Variants in BRF1 observed in about 807,000 individuals in gnomAD.
BRF1 encodes BRF1 general transcription factor IIIB subunit, also known as transcription factor IIIB 90 kDa subunit.
A neutral mutation model predicts 81.7 loss-of-function variants in BRF1; 59 were observed. The ratio of observed to expected loss-of-function variants is 0.72; its 90% CI spans 0.59 to 0.90. The LOEUF is 0.90. BRF1 is among the 40% of genes least tolerant of loss of function. The pLI, the probability that BRF1 is intolerant of heterozygous loss-of-function variation, is 0.00. For synonymous variants in BRF1, 491 were observed against 395.6 expected (o/e 1.24, Z -2.86); for missense variants, 1,050 against 936.3 (o/e 1.12, Z -1.58).
intron 2 of BRF1, among the ~76,000 whole-genome samples, chr14:105,282,876 T>C (rs931416649): frequency 1.3e-5 from 2 of 152,138 alleles, no homozygotes; most frequent in African/African-American, 4.8e-5. Flanking sequence ...GAGGTTGCAG[T>C]GAGCCCAGAT....
chr14:105,250,705 T>G (rs764740419), intron 5 of BRF1: 2 of 1,578,954 alleles, frequency 1.3e-6, no homozygotes, highest in South Asian at 1.1e-5. Flanking sequence ...GGTCAGCGAG[T>G]GAGTGGAGGG....
Position 105,209,378 on chromosome 14 carries a change from T to G in BRF1, c.*1173A>C, listed in dbSNP as rs1469570729. 3.3e-6 allele frequency: 2 copies of G among 608,030 alleles called. No homozygotes were observed. Among genetic ancestry groups the G allele is most frequent in the African/African-American group, 3.7e-5 (2 of 54,024 alleles). The allele number at this position is 608,030 out of a possible 1,614,324, so 37.7% of individuals were successfully genotyped here. On this transcript the variant is annotated 3_prime_UTR_variant, in exon 18 of 18. Coordinates refer to ENST00000547530, the MANE Select transcript of BRF1 (RefSeq NM_001519.4). ...CCCTGGCAGGACCCAGGCTGGCTAC[T>G]GAGCTCTGGGCGGGGGTAGGGGGGT...
intron 7 of BRF1, among the ~76,000 whole-genome samples, chr14:105,228,449 C>G (rs587729024): frequency 1.3e-5 from 2 of 151,688 alleles, no homozygotes; most frequent in South Asian, 4.2e-4. Flanking sequence ...GAGGCTGAGG[C>G]AGGAGAATCT....
chr14:105,217,852 C>T, intron 14 of BRF1, 52 bp from the exon 15 acceptor site: 1 of 1,590,282 alleles, frequency 6.3e-7, no homozygotes, highest in East Asian at 2.2e-5. Context: ...CACTGCACTC[C>T]ACCATCAGGG....
intron 2 of BRF1, among the ~76,000 whole-genome samples, chr14:105,273,746 G>A (rs946056082): frequency 7.2e-5 from 11 of 152,144 alleles, no homozygotes; most frequent in Non-Finnish European, 1.5e-4. Context: ...CTCCAGTCTC[G>A]ATGAACCAGG....
chr14:105,228,901 G>T lies in BRF1; in HGVS notation c.707C>A (p.Ala236Glu). 6.2e-7 allele frequency: 1 copy of T among 1,613,584 alleles called. No individual in the cohort carries two copies. Residue 236 changes from alanine (A) to glutamate (E), a missense_variant, in exon 7 of 18, where the codon GCA (alanine) becomes GAA (glutamate). By Grantham distance (107) the Ala-to-Glu change is moderately radical. Transcript: ENST00000547530. The stretch of plus-strand genomic sequence containing the variant: ...CCTCCTGAAGTCATGCATTCTGGCT[G>T]CAACCAGGAGCGCTGGAAGGCAACG... ...SGLCGAALLVAARMHDFRRTV... is the reference protein window; with the variant it reads ...SGLCGAALLVEARMHDFRRTV...
At chr14:105,302,992 C>T (rs943259665), upstream of BRF1, among the ~76,000 whole-genome samples, 5 of 151,640 alleles carry the variant, frequency 3.3e-5, no homozygotes, top group African/African-American at 1.2e-4. Context: ...TCAGTGGTGC[C>T]ATCTCAGCTC....
At chr14:105,300,295 G>A (rs892476551) in intron 1 of BRF1, 151 bp downstream of exon 1, 3 of 881,384 alleles carry the variant, frequency 3.4e-6, no homozygotes, top group Non-Finnish European at 4.8e-6. Context: ...TTCTCGCCAA[G>A]GGGATCCACA....
chr14:105,223,257 T>A (rs146590539), intron 10 of BRF1, among the ~76,000 whole-genome samples: 3 of 152,164 alleles, frequency 2.0e-5, no homozygotes, highest in Non-Finnish European at 4.4e-5. Flanking sequence ...TCCTCAGCAA[T>A]TGACCCAAAA....
chr14:105,277,955 A>C (rs776216866), intron 2 of BRF1, among the ~76,000 whole-genome samples: 1 of 152,200 alleles, frequency 6.6e-6, no homozygotes, highest in Admixed American at 6.5e-5. Flanking sequence ...AGGGTTTCAC[A>C]CTGTTGGCCA....
chr14:105,250,501 C>T (rs763975745), intron 5 of BRF1: 1 of 1,614,096 alleles, frequency 6.2e-7, no homozygotes, highest in African/African-American at 1.3e-5. Context: ...AAGACACCTT[C>T]TACACGGCCA....
chr14:105,286,121 G>A (rs3803319), intron 2 of BRF1, among the ~76,000 whole-genome samples, 175 bp downstream of exon 2: 38,827 of 152,174 alleles, frequency 0.26, 5,172 homozygotes, highest in South Asian at 0.28. Context: ...AGGACACCCA[G>A]GAGGGGACTC....
intron 4 of BRF1, among the ~76,000 whole-genome samples, chr14:105,254,402 G>A (rs768068585): frequency 2.6e-5 from 4 of 151,848 alleles, no homozygotes; most frequent in South Asian, 2.1e-4. Flanking sequence ...GACTACAGGC[G>A]CCCACCACCA....
In BRF1 at chr14:105,225,329, C is replaced by A. The variant is rs758042245; in HGVS notation, c.1048+740G>T. Among the ~76,000 whole-genome samples the A allele has an allele frequency of 2.6e-5, 4 of 152,302 alleles. No homozygotes were observed. The South Asian group carries it at 8.3e-4, about 32-fold the overall frequency. ...AACCAAATGGATCCCTTCTCTTGGC[C>A]AAGGAGATTTCAAAGAAACCTGAAA... is the stretch of plus-strand genomic sequence containing the variant. On this transcript the variant is annotated intron_variant, in intron 10 of 17. Coordinates refer to ENST00000547530, the MANE Select transcript of BRF1 (RefSeq NM_001519.4).
At chr14:105,285,049 C>G (rs2057264828) in intron 2 of BRF1, among the ~76,000 whole-genome samples, 1 of 152,190 alleles carries the variant, frequency 6.6e-6, no homozygotes, top group Non-Finnish European at 1.5e-5. Context: ...ATCCTGTATT[C>G]AGGTATCAGA....
chr14:105,229,239 C>G (rs895093624), intron 6 of BRF1, among the ~76,000 whole-genome samples: 1 of 152,208 alleles, frequency 6.6e-6, no homozygotes, highest in Non-Finnish European at 1.5e-5. Context: ...GTGATGGGAG[C>G]TGGGGACTCT....
chr14:105,254,855 C>T (rs1463290145), intron 4 of BRF1, among the ~76,000 whole-genome samples: 2 of 152,232 alleles, frequency 1.3e-5, no homozygotes, highest in African/African-American at 4.8e-5. Flanking sequence ...AGCCACCGCG[C>T]CCGGCCTAAA....
chr14:105,290,452 C>T (rs1397133337), intron 1 of BRF1, among the ~76,000 whole-genome samples: 6 of 152,160 alleles, frequency 3.9e-5, no homozygotes, highest in Non-Finnish European at 8.8e-5. Context: ...CCTGAAGCCC[C>T]ACCTTCCAAG....
chr14:105,212,049 G>A (rs906439103), intron 16 of BRF1, 64 bp downstream of exon 16: 1 of 1,586,142 alleles, frequency 6.3e-7, no homozygotes, highest in African/African-American at 1.3e-5. Context: ...CCAAGCATCT[G>A]GGCCCAGGAA....
Sources: gnomAD v4.1 joint callset for allele counts (sites outside exome capture counted in the v4.1 genomes callset) on GRCh38, gnomAD v4.1.1 for gene constraint, MANE v1.5 for transcripts, NCBI Gene and HGNC (gene_info 2026-07-23, HGNC 2026-07-21) for gene names.